The following TLN2 variants were observed in gnomAD, a reference collection of about 807,000 sequenced individuals.
TLN2 encodes the protein talin 2.
In TLN2, 118 loss-of-function variants were observed where a neutral mutation model predicts 294.7. The observed-to-expected ratio is 0.40, with a 90% CI of 0.34 to 0.47. TLN2 has a LOEUF of 0.47. Ranked by LOEUF, TLN2 falls within the 20% of genes least tolerant of loss-of-function variation. The pLI, the probability that TLN2 is intolerant of heterozygous loss-of-function variation, is 0.84. For missense variants in TLN2, 3,083 were observed against 3,282.2 expected, an observed-to-expected ratio of 0.94 and a Z score of 1.48; for synonymous variants, 1,431 against 1,304.5, an observed-to-expected ratio of 1.10 and a Z score of -2.09.
At chr15:62,586,237 G>A (rs1487453106) in intron 1 of TLN2, among the ~76,000 whole-genome samples, 10 of 152,200 alleles carry the variant, frequency 6.6e-5, no homozygotes, top group Non-Finnish European at 1.5e-5. Flanking sequence ...CATGTGTTGT[G>A]GGAAGGGGTG....
At chr15:62,559,713 C>T (rs1443998603) in intron 1 of TLN2, among the ~76,000 whole-genome samples, 1 of 152,164 alleles carries the variant, frequency 6.6e-6, no homozygotes. Context: ...AAGGAAGTTT[C>T]CTGTATGCTT....
intron 57 of TLN2, among the ~76,000 whole-genome samples, chr15:62,837,885 T>TCTTTC (rs2141264301): frequency 6.6e-6 from 1 of 152,312 alleles, no homozygotes; most frequent in South Asian, 2.1e-4. Context: ...TGAGAAGAAC[T>TCTTTC]CTCAACTTTC....
rs747645023 is a variant in TLN2 at position 62,752,409 on chromosome 15, G to A, written c.4314G>A (p.Leu1438=). 6.2e-7 allele frequency: 1 copy of A among 1,614,166 alleles called. No homozygotes were observed. The highest frequency in any genetic ancestry group is 1.7e-5 in the Admixed American group (1 of 60,030). ...TTGCATCCAAGGCTCTCTGTGGGCT[G>A]ACAGAGGCTGCAGCCCAGGTAAGGG... ...VGIASKALCG[L]TEAAAQAAYL... is the part of the protein sequence containing the mutation. Residue 1438 remains leucine (L), a synonymous_variant, in exon 35 of 59, where the codon CTG becomes CTA. Coordinates refer to ENST00000636159, the MANE Select transcript of TLN2 (RefSeq NM_015059.3).
chr15:62,579,791 G>A (rs1453313135), intron 1 of TLN2, among the ~76,000 whole-genome samples: 2 of 152,192 alleles, frequency 1.3e-5, no homozygotes, highest in African/African-American at 4.8e-5. Context: ...ATGTCCTTCA[G>A]CTGGATTGTG....
chr15:62,400,184 A>G (rs1222466542), intron 1 of TLN2, among the ~76,000 whole-genome samples: 1 of 152,158 alleles, frequency 6.6e-6, no homozygotes, highest in Non-Finnish European at 1.5e-5. Flanking sequence ...CCATGTGAAG[A>G]AGGACATGTT....
At chr15:62,668,213 G>C (rs2054956598) in intron 9 of TLN2, among the ~76,000 whole-genome samples, 1 of 152,108 alleles carries the variant, frequency 6.6e-6, no homozygotes, top group Non-Finnish European at 1.5e-5. Context: ...TTTTACAAAG[G>C]AAATTTACAA....
chr15:62,608,235 G>A (rs1278407772), intron 2 of TLN2, among the ~76,000 whole-genome samples: 1 of 152,140 alleles, frequency 6.6e-6, no homozygotes, highest in African/African-American at 2.4e-5. Context: ...TGTTTATATC[G>A]TTGGTGCAGA....
chr15:62,781,361 C>G, intron 44 of TLN2, 120 bp downstream of exon 44: 1 of 685,756 alleles, frequency 1.5e-6, no homozygotes, highest in South Asian at 1.8e-5. Context: ...TCTAGTCCCT[C>G]AGGGGCTCCA....
intron 1 of TLN2, among the ~76,000 whole-genome samples, chr15:62,455,705 C>G (rs1175746876): frequency 6.6e-6 from 1 of 152,208 alleles, no homozygotes; most frequent in Non-Finnish European, 1.5e-5. Flanking sequence ...TCACGGGTCA[C>G]TGCTTATCAT....
At chr15:62,831,954 C>G (rs1002867581) in intron 54 of TLN2, 3 of 152,060 alleles carry the variant, frequency 2.0e-5, no homozygotes, top group Non-Finnish European at 2.9e-5. Context: ...GTGGCTTTGG[C>G]TAGTTAAAGT....
chr15:62,824,474 CTA>C (rs1276261750), intron 54 of TLN2, among the ~76,000 whole-genome samples: 1 of 152,228 alleles, frequency 6.6e-6, no homozygotes, highest in Non-Finnish European at 1.5e-5. Context: ...GATCAGTTTT[CTA>C]TGACTTCCCT....
rs62007064 is a variant in TLN2, at chr15:62,841,003, A to C, written c.*393A>C. The C allele has an allele frequency of 0.038, 6,006 of 158,302 alleles. 143 individuals are homozygous for C. Among genetic ancestry groups the C allele is most frequent in the Non-Finnish European group, 0.057 (4,086 of 71,916 alleles). 9.8% of individuals were successfully genotyped at this position (158,302 alleles called of 1,614,324 possible). On this transcript the variant is annotated 3_prime_UTR_variant, in exon 59 of 59. Coordinates refer to ENST00000636159, the MANE Select transcript of TLN2 (RefSeq NM_015059.3). ...ATTGTGATAGGGAAAAAAATCATTG[A>C]CGTCATAGAATATTCTTCTTCCTCT...
chr15:62,524,599 GA>G (rs1274660379), intron 1 of TLN2, among the ~76,000 whole-genome samples: 1 of 152,166 alleles, frequency 6.6e-6, no homozygotes, highest in African/African-American at 2.4e-5. Flanking sequence ...AGAAGGAGTA[GA>G]TGAAACCACC....
chr15:62,465,374 G>C (rs139105231), intron 1 of TLN2, among the ~76,000 whole-genome samples: 4 of 152,048 alleles, frequency 2.6e-5, no homozygotes, highest in Admixed American at 2.0e-4. Context: ...TTCTGTCTCC[G>C]ACTCTTTCAG....
At chr15:62,637,206 T>A (rs1384864946) in intron 3 of TLN2, 1 of 152,246 alleles carries the variant, frequency 6.6e-6, no homozygotes, top group Non-Finnish European at 1.5e-5. Flanking sequence ...TTATTTTTCT[T>A]CTATTTTTTT....
intron 28 of TLN2, among the ~76,000 whole-genome samples, chr15:62,735,695 A>G (rs1346270336): frequency 6.6e-6 from 1 of 152,200 alleles, no homozygotes; most frequent in African/African-American, 2.4e-5. Flanking sequence ...AGCTAAATAT[A>G]TACTTACTGT....
intron 1 of TLN2, among the ~76,000 whole-genome samples, chr15:62,549,146 A>G (rs1038344439): frequency 1.3e-5 from 2 of 152,182 alleles, no homozygotes; most frequent in East Asian, 1.9e-4. Flanking sequence ...AGTGTAAAAC[A>G]TGAATGGCTT....
intron 43 of TLN2, among the ~76,000 whole-genome samples, chr15:62,779,269 T>C (rs576460915): frequency 3.3e-5 from 5 of 152,306 alleles, no homozygotes; most frequent in Non-Finnish European, 4.4e-5. Flanking sequence ...TCTCGGGACG[T>C]TGATTTCCTC....
intron 1 of TLN2, among the ~76,000 whole-genome samples, chr15:62,434,234 G>A (rs1261880255): frequency 6.6e-6 from 1 of 152,088 alleles, no homozygotes; most frequent in Non-Finnish European, 1.5e-5. Flanking sequence ...ATGTATATGT[G>A]TCTTTATGTT....
Sources: gnomAD v4.1 joint callset for allele counts (sites outside exome capture counted in the v4.1 genomes callset) on GRCh38, gnomAD v4.1.1 for gene constraint, MANE v1.5 for transcripts, NCBI Gene and HGNC (gene_info 2026-07-23, HGNC 2026-07-21) for gene names.